Variants in TMEM132C observed in about 807,000 individuals in gnomAD.
TMEM132C encodes the protein transmembrane protein 132C.
A neutral mutation model predicts 61.4 loss-of-function variants in TMEM132C; 29 were observed. The ratio of observed to expected loss-of-function variants is 0.47; its 90% CI spans 0.35 to 0.64. TMEM132C has a LOEUF of 0.64. Among genes scored for constraint, TMEM132C ranks in the 30% least tolerant of loss-of-function variants. The pLI, the probability that TMEM132C is intolerant of heterozygous loss-of-function variation, is 0.00. For missense variants in TMEM132C, 1,408 were observed against 1,476.9 expected (o/e 0.95, Z 0.76); for synonymous variants, 656 against 633.1 (o/e 1.04, Z -0.54).
At chr12:128,547,693 C>T (rs1337460015) in intron 3 of TMEM132C, among the ~76,000 whole-genome samples, 1 of 152,222 alleles carries the variant, frequency 6.6e-6, no homozygotes, top group East Asian at 1.9e-4. Flanking sequence ...GCCACATCCC[C>T]TGGCTGGTAA....
At position 128,326,264 on chromosome 12, in the gene TMEM132C, ATCAC is replaced by A. The variant is rs2080783129; in HGVS notation, c.85+58780_85+58783del. On this transcript the variant is annotated intron_variant, in intron 1 of 8. Coordinates refer to ENST00000435159, the MANE Select transcript of TMEM132C (RefSeq NM_001136103.3). The surrounding 1 kb of genome is among the most constrained non-coding windows in gnomAD (Gnocchi z 5.6). Reference sequence around the variant, plus strand: ...AGCACCTCCATTCCTCCCCACCACCATCACTCCATGAACCCCCCAGCCTCCCTGG... The same window carrying A: ...AGCACCTCCATTCCTCCCCACCACCATCCATGAACCCCCCAGCCTCCCTGG... 6.6e-6 allele frequency among the ~76,000 whole-genome samples: 1 copy of A among 152,102 alleles called. No homozygotes were observed. Among genetic ancestry groups the A allele is most frequent in the Non-Finnish European group, 1.5e-5 (1 of 68,014 alleles).
intron 2 of TMEM132C, among the ~76,000 whole-genome samples, chr12:128,458,523 C>G (rs1187553625): frequency 6.6e-6 from 1 of 151,998 alleles, no homozygotes; most frequent in East Asian, 1.9e-4. Flanking sequence ...GTTCCATTGT[C>G]CCCGGAACAT....
intron 2 of TMEM132C, among the ~76,000 whole-genome samples, chr12:128,452,604 TG>T (rs1870214233): frequency 6.6e-6 from 1 of 150,936 alleles, no homozygotes; most frequent in Non-Finnish European, 1.5e-5. Context: ...GGCCGGGTGC[TG>T]AGGTAGGAGA....
At chr12:128,426,777 T>C (rs1388631293) in intron 2 of TMEM132C, among the ~76,000 whole-genome samples, 1 of 152,168 alleles carries the variant, frequency 6.6e-6, no homozygotes, top group Non-Finnish European at 1.5e-5. Flanking sequence ...GTGATTTTAC[T>C]GTTGTGGGAA....
chr12:128,396,853 C>A (rs1874975237), intron 1 of TMEM132C, among the ~76,000 whole-genome samples: 2 of 152,212 alleles, frequency 1.3e-5, no homozygotes. Flanking sequence ...TTTCTTTCTT[C>A]ACTGCATTCT....
intron 2 of TMEM132C, among the ~76,000 whole-genome samples, chr12:128,513,740 C>G (rs1213427300): frequency 6.6e-6 from 1 of 152,196 alleles, no homozygotes; most frequent in Non-Finnish European, 1.5e-5. Context: ...GAAGAATTGT[C>G]TAGGGGCTAT....
At chr12:128,684,872 C>T (rs536004010) in intron 5 of TMEM132C, among the ~76,000 whole-genome samples, 1 of 152,186 alleles carries the variant, frequency 6.6e-6, no homozygotes, top group African/African-American at 2.4e-5. Context: ...TGAGAGAGAC[C>T]TCCTTAAAAT....
At chr12:128,386,499 G>T (rs545821267) in intron 1 of TMEM132C, among the ~76,000 whole-genome samples, 9 of 152,256 alleles carry the variant, frequency 5.9e-5, no homozygotes, top group African/African-American at 2.2e-4. Flanking sequence ...GACCCTGCCT[G>T]GTCTCATGGT....
At chr12:128,693,005 C>T (rs568292013) in intron 5 of TMEM132C, among the ~76,000 whole-genome samples, 29 of 152,092 alleles carry the variant, frequency 1.9e-4, no homozygotes, top group African/African-American at 5.1e-4. Context: ...ATAACGAACA[C>T]GTATTATATA....
At chr12:128,319,223 G>T (rs1593009385) in intron 1 of TMEM132C, among the ~76,000 whole-genome samples, 1 of 152,166 alleles carries the variant, frequency 6.6e-6, no homozygotes, top group South Asian at 2.1e-4. Context: ...AAGACATTAG[G>T]ATGATCAAGA....
At chr12:128,474,664 C>T (rs1871097701) in intron 2 of TMEM132C, among the ~76,000 whole-genome samples, 1 of 152,164 alleles carries the variant, frequency 6.6e-6, no homozygotes, top group African/African-American at 2.4e-5. Context: ...GGAGAAAATT[C>T]TGACATCCCG....
At chr12:128,634,472 T>C (rs1028745972) in intron 4 of TMEM132C, among the ~76,000 whole-genome samples, 3 of 152,266 alleles carry the variant, frequency 2.0e-5, no homozygotes, top group Non-Finnish European at 4.4e-5. Context: ...TTTGAAAATA[T>C]CTGCGTGCTG....
chr12:128,614,670 C>T (rs770183229), intron 3 of TMEM132C, among the ~76,000 whole-genome samples: 8 of 152,180 alleles, frequency 5.3e-5, no homozygotes, highest in South Asian at 2.1e-4. Context: ...TTTGGACCAA[C>T]GGTAGTTCCC....
chr12:128,653,784 C>T (rs930158680), intron 4 of TMEM132C, among the ~76,000 whole-genome samples: 4 of 152,066 alleles, frequency 2.6e-5, no homozygotes, highest in Non-Finnish European at 4.4e-5. Flanking sequence ...GCGAGGTGGC[C>T]CATGTTAGGG....
chr12:128,594,282 G>A (rs1301937227), intron 3 of TMEM132C, among the ~76,000 whole-genome samples: 1 of 152,008 alleles, frequency 6.6e-6, no homozygotes, highest in Non-Finnish European at 1.5e-5. Flanking sequence ...CATCTCGGGA[G>A]CATCACTCAG....
intron 2 of TMEM132C, among the ~76,000 whole-genome samples, chr12:128,476,296 G>T (rs1871153558): frequency 6.6e-6 from 1 of 152,198 alleles, no homozygotes; most frequent in South Asian, 2.1e-4. Context: ...CTGGCAACCT[G>T]AGGAGACGGT....
At chr12:128,383,874 C>T (rs1045624896) in intron 1 of TMEM132C, among the ~76,000 whole-genome samples, 2 of 152,190 alleles carry the variant, frequency 1.3e-5, no homozygotes, top group African/African-American at 2.4e-5. Flanking sequence ...AGCAGTCCTT[C>T]CATATCAGGA....
intron 1 of TMEM132C, among the ~76,000 whole-genome samples, chr12:128,319,214 A>G (rs1302668262): frequency 6.6e-6 from 1 of 152,200 alleles, no homozygotes; most frequent in Non-Finnish European, 1.5e-5. Flanking sequence ...ATTACAAGAA[A>G]GACATTAGGA....
In TMEM132C at chr12:128,290,013, G is replaced by A. The variant is rs184106603; in HGVS notation, c.85+22526G>A. Among the ~76,000 whole-genome samples, 21 of 152,196 alleles carry A rather than the reference G, an allele frequency of 1.4e-4. No homozygotes were observed. In the South Asian group the frequency reaches 1.4e-3, roughly 11 times the overall value. On this transcript the variant is annotated intron_variant, in intron 1 of 8. Coordinates refer to ENST00000435159, the MANE Select transcript of TMEM132C (RefSeq NM_001136103.3). ...TTCCTTGATGGAACCTCTGGATTGC[G>A]TGCCCTATCCTATAATGTGAAAAAA...
Sources: gnomAD v4.1 joint callset for allele counts (sites outside exome capture counted in the v4.1 genomes callset) on GRCh38, gnomAD v4.1.1 for gene constraint, Gnocchi (gnomAD v3.1) non-coding constraint, MANE v1.5 for transcripts, NCBI Gene and HGNC (gene_info 2026-07-23, HGNC 2026-07-21) for gene names.